ARHGAP32: variants seen among roughly 807,000 people sequenced by gnomAD.
The protein encoded by ARHGAP32 is rho GTPase-activating protein 32.
Under a neutral mutation model 186.5 loss-of-function variants are expected in ARHGAP32, and 51 were observed. That is an observed-to-expected ratio of 0.27 (90% CI 0.22 to 0.35). The LOEUF (loss-of-function observed/expected upper bound fraction) is 0.35. Ranked by LOEUF, ARHGAP32 falls within the 10% of genes least tolerant of loss-of-function variation. The pLI is 1.00. For missense variants in ARHGAP32, 2,186 were observed against 2,623.5 expected (o/e 0.83, Z 3.64); for synonymous variants, 950 against 964.3 (o/e 0.99, Z 0.27).
chr11:129,237,009 T>C (rs1944945731), intron 1 of ARHGAP32, among the ~76,000 whole-genome samples: 1 of 152,232 alleles, frequency 6.6e-6, no homozygotes, highest in Non-Finnish European at 1.5e-5. Flanking sequence ...GAGATGATCA[T>C]GTGATTTCCA....
chr11:129,026,241 T>A (rs979794120), intron 11 of ARHGAP32, among the ~76,000 whole-genome samples: 3 of 152,150 alleles, frequency 2.0e-5, no homozygotes, highest in Non-Finnish European at 4.4e-5. Context: ...ATCCAGGGGA[T>A]CTCTCTGTAC....
intron 1 of ARHGAP32, among the ~76,000 whole-genome samples, chr11:129,188,168 C>A (rs1424725078): frequency 6.6e-6 from 1 of 152,016 alleles, no homozygotes; most frequent in African/African-American, 2.4e-5. Flanking sequence ...GTTGGCCAGG[C>A]TGATCTCAAA....
intron 6 of ARHGAP32, among the ~76,000 whole-genome samples, chr11:129,088,198 G>A (rs1380358992): frequency 6.6e-6 from 1 of 152,182 alleles, no homozygotes; most frequent in Non-Finnish European, 1.5e-5. Context: ...TAAATTCACT[G>A]AGTAAAATTA....
intron 14 of ARHGAP32, among the ~76,000 whole-genome samples, 181 bp downstream of exon 14, chr11:128,986,343 C>T (rs1180546386): frequency 6.6e-6 from 1 of 152,060 alleles, no homozygotes; most frequent in Admixed American, 6.6e-5. Context: ...TCAGAAAGCA[C>T]AAGAATGACA....
intron 21 of ARHGAP32, chr11:128,973,887 G>T: frequency 1.8e-6 from 1 of 554,218 alleles, no homozygotes; most frequent in Non-Finnish European, 3.1e-6. Flanking sequence ...AATTCTCACC[G>T]TCCAAAGAGA....
intron 11 of ARHGAP32, among the ~76,000 whole-genome samples, chr11:129,016,123 A>C (rs748038921): frequency 5.9e-5 from 9 of 152,204 alleles, no homozygotes; most frequent in Non-Finnish European, 1.2e-4. Context: ...TGTGACTGCT[A>C]ATCAGAATAG....
chr11:129,008,220 G>T (rs557530062), intron 11 of ARHGAP32, among the ~76,000 whole-genome samples: 121 of 152,242 alleles, frequency 7.9e-4, no homozygotes, highest in Admixed American at 2.3e-3. Flanking sequence ...TTCTTTGAGG[G>T]TATTTTTTTA....
rs751211495 is a variant in ARHGAP32, at chr11:128,966,485, C to G, written c.*2422G>C. Reference sequence around the variant, plus strand: ...CTAGCATGCATTAAATGAAGCAACTCTAGATTTGATCTGAAGTTTGTGTTT... The same window carrying G: ...CTAGCATGCATTAAATGAAGCAACTGTAGATTTGATCTGAAGTTTGTGTTT... On this transcript the variant is annotated 3_prime_UTR_variant, in exon 23 of 23. Transcript: ENST00000682385. 3 of 152,118 alleles carry G rather than the reference C, an allele frequency of 2.0e-5. No homozygotes were observed. Among genetic ancestry groups the G allele is most frequent in the Non-Finnish European group, 4.4e-5 (3 of 68,028 alleles). The allele number at this position is 152,118 out of a possible 1,614,324, so 9.4% of individuals were successfully genotyped here.
chr11:128,972,816 A>G lies in ARHGAP32; in HGVS notation c.3690T>C (p.Tyr1230=), dbSNP rs748512333. ...RFYSGDQPPS[Y]LGASVDKLHH... is the part of the protein sequence containing the mutation. ...GGAGTTTATCCACACTTGCACCAAG[A>G]TAAGAAGGAGGCTGATCTCCACTGT... is the stretch of plus-strand genomic sequence containing the variant. The change falls in exon 22 of 23, where the codon TAT becomes TAC. Residue 1230 remains tyrosine, a synonymous_variant. Transcript: ENST00000682385. 4.3e-6 allele frequency: 7 copies of G among 1,613,872 alleles called. No individual in the cohort carries two copies. Among genetic ancestry groups the G allele is most frequent in the Non-Finnish European group, 5.9e-6 (7 of 1,180,024 alleles).
intron 6 of ARHGAP32, among the ~76,000 whole-genome samples, chr11:129,069,885 C>A (rs926854285): frequency 2.0e-5 from 3 of 151,922 alleles, no homozygotes; most frequent in Non-Finnish European, 4.4e-5. Flanking sequence ...TTTTTTGGTG[C>A]CTGGTGCTTG....
At chr11:129,146,092 A>C (rs1943162696) in intron 2 of ARHGAP32, among the ~76,000 whole-genome samples, 1 of 152,188 alleles carries the variant, frequency 6.6e-6, no homozygotes, top group Non-Finnish European at 1.5e-5. Flanking sequence ...CCTCTGAATT[A>C]AAATTCACTC....
At position 128,970,304 on chromosome 11, in the gene ARHGAP32, A is replaced by G; in HGVS notation, c.4909T>C (p.Tyr1637His). The part of the protein sequence containing the change: ...CPRPLYQYKP[Y>H]QSSQARSDYH... ...TCTGAGCGGGCCTGGGAGGACTGAT[A>G]TGGCTTATATTGGTACAGAGGTCTT... Residue 1637 changes from tyrosine (Y) to histidine (H), a missense_variant, in exon 23 of 23, where the codon TAT becomes CAT. Physicochemically the swap from Tyr to His is moderately conservative, Grantham distance 83 (BLOSUM62 2). Transcript: ENST00000682385. The surrounding 1 kb of genome is among the most constrained non-coding windows in gnomAD (Gnocchi z 5.8). 1 of 1,614,118 alleles carries G rather than the reference A, an allele frequency of 6.2e-7. No homozygotes were observed. The highest frequency in any genetic ancestry group is 8.5e-7 in the Non-Finnish European group (1 of 1,180,012).
At chr11:129,224,732 T>G (rs1318105982) in intron 1 of ARHGAP32, among the ~76,000 whole-genome samples, 1 of 145,904 alleles carries the variant, frequency 6.9e-6, no homozygotes, top group African/African-American at 2.6e-5. Flanking sequence ...CTACTTGGAC[T>G]GTCTTTATTT....
chr11:129,128,594 C>T (rs1011668909), intron 2 of ARHGAP32, among the ~76,000 whole-genome samples: 9 of 150,328 alleles, frequency 6.0e-5, no homozygotes, highest in African/African-American at 2.2e-4. Context: ...CTCCCCCTCC[C>T]TCTCCCCGGT....
chr11:129,176,471 C>G (rs1234482643), intron 1 of ARHGAP32, among the ~76,000 whole-genome samples: 2 of 81,512 alleles, frequency 2.5e-5, no homozygotes, highest in Non-Finnish European at 6.2e-5. Context: ...CACCCCAAAT[C>G]AACAGAATAT....
chr11:129,188,734 T>A (rs1944215550), intron 1 of ARHGAP32, among the ~76,000 whole-genome samples: 1 of 152,210 alleles, frequency 6.6e-6, no homozygotes, highest in South Asian at 2.1e-4. Context: ...TCATCCAGTT[T>A]AACTAAAGTC....
At chr11:128,985,858 GTATA>G (rs1555063867) in intron 15 of ARHGAP32, 141 bp downstream of exon 15, 2,070 of 95,826 alleles carry the variant, frequency 0.022, 36 homozygotes, top group South Asian at 0.046. Context: ...GTGTGTGTGT[GTATA>G]TATATATATA....
rs779352698 is a variant in ARHGAP32, at chr11:128,973,032, T to C, written c.3474A>G (p.Gln1158=). 3 of 1,614,148 alleles carry C rather than the reference T, an allele frequency of 1.9e-6. No individual in the cohort carries two copies. The highest frequency in any genetic ancestry group is 1.1e-5 in the South Asian group (1 of 91,082). Residue 1158 remains glutamine (Q), a synonymous_variant, in exon 22 of 23, where the codon CAA becomes CAG. Coordinates refer to ENST00000682385, the MANE Select transcript of ARHGAP32 (RefSeq NM_001378024.1). ...GTGGCTGATTCCCTGTTAAGTCTAC[T>C]TGGTGATGTTGCTCCCCAGATTCAG... ...NTTESGEQHH[Q]VDLTGNQPHQ...
chr11:129,068,283 T>C (rs1565406020), intron 6 of ARHGAP32, among the ~76,000 whole-genome samples: 2 of 152,086 alleles, frequency 1.3e-5, no homozygotes, highest in African/African-American at 2.4e-5. Context: ...ATGATTTGCA[T>C]GTATTCGATT....
Sources: gnomAD v4.1 joint callset for allele counts (sites outside exome capture counted in the v4.1 genomes callset) on GRCh38, gnomAD v4.1.1 for gene constraint, Gnocchi (gnomAD v3.1) non-coding constraint, MANE v1.5 for transcripts, NCBI Gene and HGNC (gene_info 2026-07-23, HGNC 2026-07-21) for gene names.